Variants in CSNK1G1 observed in about 807,000 individuals in gnomAD.
CSNK1G1 encodes casein kinase 1 gamma 1, also known as casein kinase I isoform gamma-1.
CSNK1G1 carries 22 observed loss-of-function variants against 59.6 expected under a neutral mutation model. That is an observed-to-expected ratio of 0.37 (90% confidence interval 0.26 to 0.53). The LOEUF (loss-of-function observed/expected upper bound fraction) is 0.53. Among genes scored for constraint, CSNK1G1 ranks in the 20% least tolerant of loss-of-function variants. CSNK1G1 has a pLI of 0.89. For synonymous variants in CSNK1G1, 179 were observed against 177.1 expected, an observed-to-expected ratio of 1.01 and a Z score of -0.08; for missense variants, 384 against 519.5, an observed-to-expected ratio of 0.74 and a Z score of 2.54.
intron 4 of CSNK1G1, among the ~76,000 whole-genome samples, chr15:64,239,639 A>G (rs1481238090): frequency 1.3e-5 from 2 of 152,150 alleles, no homozygotes; most frequent in South Asian, 2.1e-4. Context: ...TTGGCCTCCA[A>G]AAGTGATGGG....
intron 11 of CSNK1G1, 47 bp downstream of exon 11, chr15:64,180,301 G>C: frequency 5.6e-6 from 8 of 1,415,998 alleles, no homozygotes; most frequent in Non-Finnish European, 8.0e-6. Flanking sequence ...AGACAGAAAA[G>C]ATTTTTCAAC....
intron 10 of CSNK1G1, chr15:64,195,197 C>CA (rs1317396979): frequency 2.0e-5 from 3 of 152,070 alleles, no homozygotes; most frequent in East Asian, 1.9e-4. Context: ...TACAAAAACA[C>CA]AAAAAAGAGT....
chr15:64,313,581 C>G (rs1259404730), intron 1 of CSNK1G1, among the ~76,000 whole-genome samples: 1 of 151,924 alleles, frequency 6.6e-6, no homozygotes, highest in Non-Finnish European at 1.5e-5. Flanking sequence ...AGGGGAACAT[C>G]ACACACTGGG....
chr15:64,211,896 G>T (rs773382323), intron 6 of CSNK1G1, among the ~76,000 whole-genome samples: 8 of 152,202 alleles, frequency 5.3e-5, no homozygotes, highest in Non-Finnish European at 1.2e-4. Context: ...ACAAATGGCT[G>T]AGCCCAGGAA....
At chr15:64,232,826 C>G (rs2082566422) in intron 4 of CSNK1G1, among the ~76,000 whole-genome samples, 1 of 151,954 alleles carries the variant, frequency 6.6e-6, no homozygotes, top group Non-Finnish European at 1.5e-5. Flanking sequence ...TACAGGTATA[C>G]AGTAAGAGAA....
At chr15:64,182,058 T>TTTTTTTG (rs1567358726) in intron 10 of CSNK1G1, 1 of 118,704 alleles carries the variant, frequency 8.4e-6, no homozygotes, top group African/African-American at 3.4e-5. Context: ...AACCCGTTTT[T>TTTTTTTG]TTTTTTTTTT....
Position 64,166,021 on chromosome 15 carries a change from A to T in CSNK1G1, c.*5910T>A. 1 of 682,896 alleles carries T rather than the reference A, an allele frequency of 1.5e-6. No individual in the cohort carries two copies. The highest frequency in any genetic ancestry group is 1.6e-5 in the South Asian group (1 of 63,030). 42.3% of individuals were successfully genotyped at this position (682,896 alleles called of 1,614,324 possible). A position where few individuals can be genotyped will look rare whatever the true frequency, so the allele number is the denominator to read the frequency against. ...GACATTCATGTTTAAAAATACTACA[A>T]ATTTCATTTTCACAGCTGAGCTTTG... is the stretch of plus-strand genomic sequence containing the variant. On this transcript the variant is annotated 3_prime_UTR_variant, in exon 12 of 12. Coordinates refer to ENST00000303052, the MANE Select transcript of CSNK1G1 (RefSeq NM_022048.5). This position sits in a 1 kb window ranked among gnomAD's most constrained non-coding sequence, Gnocchi z 4.5.
chr15:64,185,091 C>G (rs1049016594), intron 10 of CSNK1G1, among the ~76,000 whole-genome samples: 5 of 152,304 alleles, frequency 3.3e-5, no homozygotes, highest in African/African-American at 9.6e-5. Flanking sequence ...TGCATTTAGG[C>G]CTTCCACACA....
At position 64,336,343 on chromosome 15, in the gene CSNK1G1, A is replaced by G. The variant is rs573265719; in HGVS notation, c.-225+19645T>C. ...TCAAAGTGTATAAGCCACACTCTAC[A>G]TACTTCCTTTCTTCCTTTCTTATTT... On this transcript the variant is annotated intron_variant, in intron 1 of 11. Coordinates refer to ENST00000303052, the MANE Select transcript of CSNK1G1 (RefSeq NM_022048.5). 2.6e-5 allele frequency among the ~76,000 whole-genome samples: 4 copies of G among 152,336 alleles called. No individual in the cohort carries two copies. In the East Asian group the frequency reaches 7.7e-4, roughly 29 times the overall value.
chr15:64,299,424 T>C (rs1338462723), intron 2 of CSNK1G1, among the ~76,000 whole-genome samples: 1 of 151,578 alleles, frequency 6.6e-6, no homozygotes, highest in African/African-American at 2.4e-5. Flanking sequence ...CTGTCTCTAC[T>C]AAAAATACAA....
chr15:64,211,429 T>A (rs1242588038), intron 6 of CSNK1G1, among the ~76,000 whole-genome samples: 1 of 152,310 alleles, frequency 6.6e-6, no homozygotes, highest in East Asian at 1.9e-4. Flanking sequence ...GCACAAAATA[T>A]GATGACAGGT....
intron 10 of CSNK1G1, among the ~76,000 whole-genome samples, chr15:64,197,250 G>T (rs1046302182): frequency 2.0e-5 from 3 of 152,208 alleles, no homozygotes; most frequent in Non-Finnish European, 4.4e-5. Flanking sequence ...AGTTTGTTGA[G>T]CCCTAGGCTC....
chr15:64,272,378 G>A (rs1893362625), intron 2 of CSNK1G1, among the ~76,000 whole-genome samples: 1 of 152,074 alleles, frequency 6.6e-6, no homozygotes, highest in African/African-American at 2.4e-5. Context: ...ACTATGCCTG[G>A]CTAATTTTTT....
chr15:64,308,838 A>G (rs908174720), intron 1 of CSNK1G1, among the ~76,000 whole-genome samples: 10 of 151,876 alleles, frequency 6.6e-5, no homozygotes, highest in African/African-American at 2.2e-4. Context: ...CGGAGCTTGC[A>G]GTGAGCCAAG....
intron 1 of CSNK1G1, among the ~76,000 whole-genome samples, chr15:64,316,075 G>A (rs182975655): frequency 6.4e-4 from 98 of 152,160 alleles, no homozygotes; most frequent in African/African-American, 2.2e-3. Context: ...CAGCTACGCC[G>A]GAGTGCAGTA....
At chr15:64,324,172 C>T (rs1896717716) in intron 1 of CSNK1G1, among the ~76,000 whole-genome samples, 1 of 152,208 alleles carries the variant, frequency 6.6e-6, no homozygotes, top group Non-Finnish European at 1.5e-5. Context: ...AAACACTACA[C>T]TGATTACCCA....
intron 2 of CSNK1G1, among the ~76,000 whole-genome samples, chr15:64,277,584 ATAT>A (rs1893722956): frequency 7.3e-6 from 1 of 136,714 alleles, no homozygotes; most frequent in African/African-American, 2.6e-5. Context: ...AAATATATTA[ATAT>A]TAATATATTT....
At chr15:64,246,528 C>T (rs913841517) in intron 4 of CSNK1G1, among the ~76,000 whole-genome samples, 3 of 147,692 alleles carry the variant, frequency 2.0e-5, no homozygotes, top group Admixed American at 6.9e-5. Flanking sequence ...GAGGCTGAGG[C>T]GGGAGGATGA....
intron 2 of CSNK1G1, among the ~76,000 whole-genome samples, chr15:64,260,242 T>A (rs1034732787): frequency 2.0e-5 from 3 of 152,212 alleles, no homozygotes; most frequent in Admixed American, 1.3e-4. Context: ...CTTAAGACCA[T>A]GTTCAGCACA....
Sources: gnomAD v4.1 joint callset for allele counts (sites outside exome capture counted in the v4.1 genomes callset) on GRCh38, gnomAD v4.1.1 for gene constraint, Gnocchi (gnomAD v3.1) non-coding constraint, MANE v1.5 for transcripts, NCBI Gene and HGNC (gene_info 2026-07-23, HGNC 2026-07-21) for gene names.